The following PPP1R14C variants were observed in gnomAD, a reference collection of about 807,000 sequenced individuals.
The protein encoded by PPP1R14C is protein phosphatase 1 regulatory subunit 14C.
PPP1R14C carries 16 observed loss-of-function variants against 20.4 expected under a neutral mutation model. The ratio of observed to expected loss-of-function variants is 0.78; its 90% CI spans 0.53 to 1.19. The LOEUF (loss-of-function observed/expected upper bound fraction) is 1.19, where lower values mean the gene tolerates loss of function less well. Among genes scored for constraint, PPP1R14C ranks in the 50% most tolerant of loss-of-function variants. The probability of loss-of-function intolerance (pLI) is 0.00; values close to 1 mark genes in which losing one functional copy is unlikely to be tolerated. For synonymous variants in PPP1R14C, 91 were observed against 91.0 expected (o/e 1.00, Z 0.00); for missense variants, 211 against 220.1 (o/e 0.96, Z 0.26).
intron 1 of PPP1R14C, among the ~76,000 whole-genome samples, chr6:150,160,253 A>ATTT (rs1562257938): frequency 1.5e-4 from 17 of 117,110 alleles, no homozygotes; most frequent in African/African-American, 5.5e-4. Context: ...TGTGTAGCTC[A>ATTT]TTCTTTTTTT....
chr6:150,149,662 G>T (rs1382432818), intron 1 of PPP1R14C, among the ~76,000 whole-genome samples: 2 of 152,010 alleles, frequency 1.3e-5, no homozygotes, highest in African/African-American at 2.4e-5. Flanking sequence ...AGGACTGATT[G>T]GTGAGACACC....
chr6:150,214,787 T>C lies in PPP1R14C; in HGVS notation c.350T>C (p.Leu117Pro), dbSNP rs749564419. 6.2e-7 allele frequency: 1 copy of C among 1,613,182 alleles called. No individual in the cohort carries two copies. Among genetic ancestry groups the C allele is most frequent in the South Asian group, 1.1e-5 (1 of 90,748 alleles). The part of the protein sequence containing the change: ...PEVEIDIDDL[L>P]DADSDEERAS... The stretch of plus-strand genomic sequence containing the variant: ...GTAGAAATTGACATTGATGATCTTC[T>C]TGATGCAGACAGTGATGAAGAGAGA... Residue 117 changes from leucine to proline, a missense_variant, in exon 2 of 4, where the codon CTT becomes CCT. Transcript: ENST00000361131.
intron 1 of PPP1R14C, among the ~76,000 whole-genome samples, chr6:150,187,247 CTGTGTGTGTG>C (rs61153538): frequency 0.019 from 2,643 of 141,498 alleles, 36 homozygotes; most frequent in Middle Eastern, 0.039. Flanking sequence ...TTCTCTTTCT[CTGTGTGTGTG>C]TGTGTGTGTG....
chr6:150,244,576 A>G (rs566285672), intron 3 of PPP1R14C, among the ~76,000 whole-genome samples: 5 of 152,340 alleles, frequency 3.3e-5, no homozygotes, highest in Admixed American at 2.0e-4. Flanking sequence ...AAGAGTCCCT[A>G]TCGGCATTGT....
intron 1 of PPP1R14C, chr6:150,195,373 A>G (rs9397731): frequency 0.06 from 10,084 of 169,134 alleles, 737 homozygotes; most frequent in African/African-American, 0.17. Context: ...TTTTTGAGAT[A>G]GAGTGTCGCT....
intron 3 of PPP1R14C, among the ~76,000 whole-genome samples, chr6:150,234,352 A>G (rs1208296410): frequency 6.6e-6 from 1 of 152,212 alleles, no homozygotes; most frequent in Admixed American, 6.5e-5. Flanking sequence ...AAAGTTGAGC[A>G]TACACATTCC....
chr6:150,193,826 C>G (rs1777773193), intron 1 of PPP1R14C, among the ~76,000 whole-genome samples: 1 of 152,160 alleles, frequency 6.6e-6, no homozygotes, highest in Non-Finnish European at 1.5e-5. Context: ...GCCTCCTTAT[C>G]CTGGCTTCCA....
chr6:150,148,753 C>T (rs1014405909), intron 1 of PPP1R14C, among the ~76,000 whole-genome samples: 1 of 152,156 alleles, frequency 6.6e-6, no homozygotes, highest in Non-Finnish European at 1.5e-5. Flanking sequence ...CTCAACCTGT[C>T]AACTACTAAG....
intron 3 of PPP1R14C, among the ~76,000 whole-genome samples, chr6:150,244,055 G>A (rs987129553): frequency 6.6e-6 from 1 of 152,136 alleles, no homozygotes; most frequent in African/African-American, 2.4e-5. Flanking sequence ...GAAACTTTTG[G>A]AGGTGTTGGA....
chr6:150,183,037 G>C (rs921892406), intron 1 of PPP1R14C, among the ~76,000 whole-genome samples: 5 of 152,196 alleles, frequency 3.3e-5, no homozygotes, highest in Admixed American at 3.3e-4. Context: ...GACCACTGCT[G>C]TATATGTGGT....
At chr6:150,236,917 G>C (rs1778368333) in intron 3 of PPP1R14C, among the ~76,000 whole-genome samples, 1 of 152,066 alleles carries the variant, frequency 6.6e-6, no homozygotes, top group Admixed American at 6.5e-5. Context: ...AGCCTGCTGT[G>C]GATTTTCTCA....
In PPP1R14C at chr6:150,171,146, T is replaced by A. The variant is rs187133408; in HGVS notation, c.306+27648T>A. On this transcript the variant is annotated intron_variant, in intron 1 of 3. Transcript: ENST00000361131. ...AGTTTACATGAGGGTCCACTCAAGG[T>A]GCTGTACATTCCATGGGTTTGGACA... 2.4e-3 allele frequency among the ~76,000 whole-genome samples: 364 copies of A among 152,276 alleles called. 2 individuals carry two copies. Among genetic ancestry groups the A allele is most frequent in the African/African-American group, 7.9e-3 (330 of 41,546 alleles).
At chr6:150,191,256 C>T (rs553522931) in intron 1 of PPP1R14C, among the ~76,000 whole-genome samples, 2 of 152,172 alleles carry the variant, frequency 1.3e-5, no homozygotes, top group Non-Finnish European at 2.9e-5. Context: ...CCTTTTCCTG[C>T]GTTGCTTTTC....
intron 1 of PPP1R14C, among the ~76,000 whole-genome samples, chr6:150,174,740 G>C (rs1043948814): frequency 2.6e-5 from 4 of 151,596 alleles, no homozygotes; most frequent in African/African-American, 7.3e-5. Context: ...GGAGGTGGAC[G>C]GATCACAAGG....
intron 3 of PPP1R14C, among the ~76,000 whole-genome samples, chr6:150,226,104 A>G (rs968228153): frequency 2.0e-5 from 3 of 151,866 alleles, no homozygotes; most frequent in Non-Finnish European, 4.4e-5. Context: ...TCCCCCCCCA[A>G]ATCCATAGCT....
At chr6:150,152,119 CAAAAAAAAA>C (rs577869928) in intron 1 of PPP1R14C, among the ~76,000 whole-genome samples, 11 of 84,944 alleles carry the variant, frequency 1.3e-4, no homozygotes, top group African/African-American at 3.4e-4. Context: ...GACTCCGTCT[CAAAAAAAAA>C]AAAAAAAAAA....
intron 1 of PPP1R14C, among the ~76,000 whole-genome samples, chr6:150,209,053 T>C (rs1353969465): frequency 6.6e-6 from 1 of 152,224 alleles, no homozygotes; most frequent in East Asian, 1.9e-4. Context: ...ATTGTTCAGA[T>C]GAGTGTTTGA....
chr6:150,162,828 T>C (rs1398043777), intron 1 of PPP1R14C, among the ~76,000 whole-genome samples: 1 of 152,086 alleles, frequency 6.6e-6, no homozygotes, highest in Admixed American at 6.6e-5. Context: ...CGAGTAGTGC[T>C]AGGAAAAAAA....
At chr6:150,210,591 A>G (rs1778011146) in intron 1 of PPP1R14C, among the ~76,000 whole-genome samples, 1 of 152,210 alleles carries the variant, frequency 6.6e-6, no homozygotes, top group Admixed American at 6.5e-5. Context: ...CAGTCTCTGC[A>G]GGACAAGGGG....
Sources: allele counts gnomAD v4.1 joint callset (sites outside exome capture counted in the v4.1 genomes callset), GRCh38; gene constraint gnomAD v4.1.1; transcripts MANE v1.5; gene names NCBI Gene and HGNC (gene_info 2026-07-23, HGNC 2026-07-21).